The following FRY variants were observed in gnomAD, a reference collection of about 807,000 sequenced individuals.
FRY encodes FRY microtubule binding protein, also known as protein furry homolog.
A neutral mutation model predicts 348.4 loss-of-function variants in FRY; 128 were observed. That is an observed-to-expected ratio of 0.37 (90% confidence interval 0.32 to 0.43). The LOEUF is 0.43. Ranked by LOEUF, FRY falls within the 20% of genes least tolerant of loss-of-function variation. The pLI is 1.00. For missense variants in FRY, 2,736 were observed against 3,695.2 expected, an observed-to-expected ratio of 0.74 and a Z score of 6.73; for synonymous variants, 1,370 against 1,374.7, an observed-to-expected ratio of 1.00 and a Z score of 0.08.
Position 32,239,725 on chromosome 13 carries a change from G to A in FRY, c.6531G>A (p.Glu2177=). Residue 2177 remains glutamate (E), a synonymous_variant, in exon 46 of 61, where the codon GAG becomes GAA. Coordinates refer to ENST00000542859, the MANE Select transcript of FRY (RefSeq NM_023037.3). The surrounding 1 kb of genome is among the most constrained non-coding windows in gnomAD (Gnocchi z 4.3). ...TATTTTAAAAGGTTTGTTTAGAAGA[G>A]AAGAACCCCAAACTTTCAAATCTTG... is the stretch of plus-strand genomic sequence containing the variant. ...AERIAQVCLE[E]KNPKLSNLAH... 1.2e-6 allele frequency: 2 copies of A among 1,612,318 alleles called. No homozygotes were observed. The highest frequency in any genetic ancestry group is 1.7e-6 in the Non-Finnish European group (2 of 1,178,488).
At chr13:32,104,004 T>C (rs1277186709) in intron 3 of FRY, among the ~76,000 whole-genome samples, 1 of 152,172 alleles carries the variant, frequency 6.6e-6, no homozygotes, top group East Asian at 1.9e-4. Flanking sequence ...TTTTATTAGC[T>C]TTCCACTCTA....
chr13:32,110,721 T>C (rs570501548), intron 3 of FRY, among the ~76,000 whole-genome samples: 1 of 152,326 alleles, frequency 6.6e-6, no homozygotes, highest in East Asian at 1.9e-4. Flanking sequence ...TATTTAATGA[T>C]GATATAAACA....
At chr13:32,171,304 CTTTTTTTTTTT>C (rs71071026) in intron 18 of FRY, 34 bp downstream of exon 18, 71 of 533,974 alleles carry the variant, frequency 1.3e-4, no homozygotes, top group Middle Eastern at 6.2e-4. Context: ...AATTTATATT[CTTTTTTTTTTT>C]TTTTTTTTTT....
At position 32,124,653 on chromosome 13, in the gene FRY, G is replaced by A. The variant is rs771595227; in HGVS notation, c.607G>A (p.Ala203Thr). The A allele has an allele frequency of 6.9e-6, 11 of 1,594,880 alleles. No homozygotes were observed. In the African/African-American group the frequency reaches 1.1e-4, roughly 16 times the overall value. ...TTTAATACATGATGTTATTAACTTG[G>A]CTTTCAAGCACTTTAAATACAAAGA... Reference protein sequence around the residue: ...DSLIHDVINLAFKHFKYKEGY... With the variant: ...DSLIHDVINLTFKHFKYKEGY... Residue 203 changes from alanine to threonine, a missense_variant, in exon 6 of 61, where the codon GCT becomes ACT. Ala to Thr is a moderately conservative substitution (Grantham distance 58, BLOSUM62 0). Transcript: ENST00000542859.
chr13:32,083,663 A>C (rs1365575285), intron 2 of FRY, among the ~76,000 whole-genome samples: 1 of 152,166 alleles, frequency 6.6e-6, no homozygotes, highest in Non-Finnish European at 1.5e-5. Context: ...AGGTGACACA[A>C]CTGTATATCT....
chr13:32,210,962 A>G lies in FRY; in HGVS notation c.4519A>G (p.Ile1507Val), dbSNP rs972708001. The change falls in exon 34 of 61, where the codon ATC (isoleucine) becomes GTC (valine). Residue 1507 changes from isoleucine to valine, a missense_variant. Physicochemically the swap from Ile to Val is conservative, Grantham distance 29. Coordinates refer to ENST00000542859, the MANE Select transcript of FRY (RefSeq NM_023037.3). ...ELQQTEPVNP[I>V]VQHCDNPPFY... ...GCAGCAGACAGAGCCCGTGAACCCC[A>G]TCGTCCAGCATTGTGACAACCCGCC... is the stretch of plus-strand genomic sequence containing the variant. 3.1e-6 allele frequency: 5 copies of G among 1,613,960 alleles called. No individual in the cohort carries two copies. The highest frequency in any genetic ancestry group is 1.1e-5 in the South Asian group (1 of 91,074).
intron 56 of FRY, chr13:32,275,222 C>CAAA (rs770397293): frequency 2.1e-4 from 43 of 206,934 alleles, no homozygotes; most frequent in Middle Eastern, 1.9e-3. Flanking sequence ...ATTAAAAATA[C>CAAA]AAAAAAAAAA....
chr13:32,203,066 T>A (rs556554549), intron 31 of FRY, among the ~76,000 whole-genome samples: 4 of 152,206 alleles, frequency 2.6e-5, no homozygotes, highest in East Asian at 3.9e-4. Flanking sequence ...ATGAAAAAAA[T>A]TTCTTTATCT....
At chr13:32,072,109 A>G (rs1487894239) in intron 1 of FRY, among the ~76,000 whole-genome samples, 1 of 152,192 alleles carries the variant, frequency 6.6e-6, no homozygotes, top group Non-Finnish European at 1.5e-5. Flanking sequence ...AAAGATACTA[A>G]TTCGTCTGGA....
chr13:32,261,783 C>G lies in FRY; in HGVS notation c.7584C>G (p.Leu2528=). 6.2e-7 allele frequency: 1 copy of G among 1,614,194 alleles called. No individual in the cohort carries two copies. The highest frequency in any genetic ancestry group is 8.5e-7 in the Non-Finnish European group (1 of 1,180,032). The part of the protein sequence containing the change: ...DSDESSEEED[L]TASQILEHSD... ...ATGAATCATCCGAGGAGGAGGACCT[C>G]ACAGCCAGCCAGATCCTGGAGCACT... The change falls in exon 52 of 61, where the codon CTC becomes CTG. Residue 2528 remains leucine, a synonymous_variant. Transcript: ENST00000542859.
chr13:32,130,105 G>T (rs1159795290), intron 7 of FRY, among the ~76,000 whole-genome samples: 1 of 142,192 alleles, frequency 7.0e-6, no homozygotes, highest in African/African-American at 2.7e-5. Context: ...CTATCACCCA[G>T]GCTAGAGTGC....
intron 20 of FRY, among the ~76,000 whole-genome samples, chr13:32,176,135 C>A (rs996454967): frequency 6.6e-6 from 1 of 152,132 alleles, no homozygotes; most frequent in African/African-American, 2.4e-5. Context: ...AACTCTCCTC[C>A]CCAGGTTTGG....
At chr13:32,121,831 T>G (rs1878676597) in intron 4 of FRY, among the ~76,000 whole-genome samples, 1 of 152,216 alleles carries the variant, frequency 6.6e-6, no homozygotes, top group South Asian at 2.1e-4. Context: ...GCTTTTGGGT[T>G]TTGGGTCATG....
At position 32,296,222 on chromosome 13, in the gene FRY, A is replaced by G. The variant is rs2072060779; in HGVS notation, c.*762A>G. On this transcript the variant is annotated 3_prime_UTR_variant, in exon 61 of 61. Transcript: ENST00000542859. The stretch of plus-strand genomic sequence containing the variant: ...GAAGGTTGCTTTTATGAGCATATTT[A>G]TACTGCTGAAGGATGAGTGTTAATT... 1 of 152,640 alleles carries G rather than the reference A, an allele frequency of 6.6e-6. No homozygotes were observed. The highest frequency in any genetic ancestry group is 1.5e-5 in the Non-Finnish European group (1 of 68,052). The allele number at this position is 152,640 out of a possible 1,614,324, so 9.5% of individuals were successfully genotyped here.
At chr13:32,105,745 T>G (rs371811482) in intron 3 of FRY, among the ~76,000 whole-genome samples, 13 of 152,274 alleles carry the variant, frequency 8.5e-5, no homozygotes, top group African/African-American at 2.6e-4. Flanking sequence ...GCTAAGTGCA[T>G]CCTTTGAACA....
chr13:32,228,264 GC>G (rs1885705499), intron 39 of FRY, among the ~76,000 whole-genome samples, 191 bp from the exon 40 acceptor site: 1 of 152,140 alleles, frequency 6.6e-6, no homozygotes, highest in Admixed American at 6.5e-5. Context: ...CATTTACACA[GC>G]AGTGCAACTG....
At chr13:32,236,755 G>A (rs972616303) in intron 43 of FRY, among the ~76,000 whole-genome samples, 5 of 152,016 alleles carry the variant, frequency 3.3e-5, no homozygotes, top group South Asian at 2.1e-4. Context: ...TCTTGTATCC[G>A]ATTGGGCCTT....
chr13:32,190,299 A>G (rs1013237204), intron 28 of FRY, among the ~76,000 whole-genome samples: 1 of 152,088 alleles, frequency 6.6e-6, no homozygotes, highest in Admixed American at 6.5e-5. Context: ...ACCTCTATCA[A>G]CATCATACTG....
In FRY at chr13:32,081,621, G is replaced by A. The variant is rs577158839; in HGVS notation, c.270+2588G>A. 3.3e-5 allele frequency among the ~76,000 whole-genome samples: 5 copies of A among 152,206 alleles called. No homozygotes were observed. The South Asian group carries it at 1.0e-3, about 32-fold the overall frequency. ...ATTACAGGCGTGAGCCACTACCTCT[G>A]GCCTTTTTATTCCCCTTTGATTTTT... On this transcript the variant is annotated intron_variant, in intron 2 of 60. Coordinates refer to ENST00000542859, the MANE Select transcript of FRY (RefSeq NM_023037.3).
Sources: gnomAD v4.1 joint callset for allele counts (sites outside exome capture counted in the v4.1 genomes callset) on GRCh38, gnomAD v4.1.1 for gene constraint, Gnocchi (gnomAD v3.1) non-coding constraint, MANE v1.5 for transcripts, NCBI Gene and HGNC (gene_info 2026-07-23, HGNC 2026-07-21) for gene names.